NDE1: variants seen among roughly 807,000 people sequenced by gnomAD.
NDE1 encodes nuclear distribution protein nudE homolog 1.
NDE1 carries 28 observed loss-of-function variants against 43.4 expected under a neutral mutation model. The ratio of observed to expected loss-of-function variants is 0.65; its 90% CI spans 0.48 to 0.89. NDE1 has a LOEUF of 0.89. NDE1 is among the 40% of genes least tolerant of loss of function. The probability of loss-of-function intolerance (pLI) is 0.00; values close to 1 mark genes in which losing one functional copy is unlikely to be tolerated. For synonymous variants in NDE1, 184 were observed against 172.0 expected (o/e 1.07, Z -0.55); for missense variants, 441 against 434.1 (o/e 1.02, Z -0.14).
intron 8 of NDE1, among the ~76,000 whole-genome samples, chr16:15,702,959 GCT>G (rs1227413411): frequency 1.3e-5 from 2 of 152,018 alleles, no homozygotes; most frequent in East Asian, 3.9e-4. Context: ...TCTCTGCTCT[GCT>G]CTCTGGCTGG....
intron 8 of NDE1, among the ~76,000 whole-genome samples, chr16:15,699,360 A>G (rs565673413): frequency 2.0e-5 from 3 of 151,074 alleles, no homozygotes; most frequent in Non-Finnish European, 4.4e-5. Context: ...CCTGGGCTCC[A>G]GCGATCCTTC....
intron 1 of NDE1, 139 bp from the exon 2 acceptor site, chr16:15,664,597 C>T (rs944817470): frequency 1.0e-4 from 61 of 604,868 alleles, no homozygotes; most frequent in African/African-American, 5.0e-4. Context: ...CCTCGTGATC[C>T]GCCCGCCTCA....
chr16:15,691,646 G>GTTT (rs1341505713), intron 6 of NDE1, among the ~76,000 whole-genome samples: 1 of 73,892 alleles, frequency 1.4e-5, no homozygotes, highest in African/African-American at 8.3e-5. Context: ...TTTTTTGTTG[G>GTTT]GTTTTTTTTT....
chr16:15,719,214 T>G, intron 8 of NDE1: 1 of 1,613,414 alleles, frequency 6.2e-7, no homozygotes, highest in Non-Finnish European at 8.5e-7. Flanking sequence ...CCATTCAGTT[T>G]CCTACCTTCC....
chr16:15,664,987 C>T (rs1217306317), intron 2 of NDE1, 126 bp downstream of exon 2: 2 of 730,236 alleles, frequency 2.7e-6, no homozygotes, highest in Admixed American at 4.7e-5. Flanking sequence ...CCTTAAACTC[C>T]TGGGCTTAAG....
At chr16:15,650,752 C>T (rs1225333364) in intron 1 of NDE1, among the ~76,000 whole-genome samples, 2 of 152,040 alleles carry the variant, frequency 1.3e-5, no homozygotes, top group Admixed American at 6.6e-5. Flanking sequence ...TTTCTTTTCT[C>T]TCTCTCTCCT....
In NDE1 at chr16:15,725,698, T is replaced by G. The variant is rs2040720150; in HGVS notation, c.*1447T>G. ...AAAAACATCTCACTTAATTCTTCCC[T>G]CGCCCCTTGGTCCCTGGCTGTGGAC... On this transcript the variant is annotated 3_prime_UTR_variant, in exon 9 of 9. Transcript: ENST00000396354. The G allele has an allele frequency of 2.5e-6, 1 of 398,924 alleles. No individual in the cohort carries two copies. Among genetic ancestry groups the G allele is most frequent in the Non-Finnish European group, 4.4e-6 (1 of 226,296 alleles). The allele number at this position is 398,924 out of a possible 1,614,324, so 24.7% of individuals were successfully genotyped here.
chr16:15,670,171 C>CTAAT (rs2037518537), intron 3 of NDE1, among the ~76,000 whole-genome samples: 1 of 152,148 alleles, frequency 6.6e-6, no homozygotes, highest in Non-Finnish European at 1.5e-5. Context: ...TTCTTTTTCT[C>CTAAT]ATTAAACTCC....
In NDE1 at chr16:15,687,587, C is replaced by T; in HGVS notation, c.523+76C>T. 2.9e-6 allele frequency: 4 copies of T among 1,378,662 alleles called. No homozygotes were observed. In the Admixed American group the frequency reaches 6.7e-5, roughly 23 times the overall value. 85.4% of individuals were successfully genotyped at this position (1,378,662 alleles called of 1,614,324 possible). ...GCAACATCTTGTCCCACAAGCTCTC[C>T]CAGCATTATCTTTACAGGGACCCCA... On this transcript the variant is annotated intron_variant, in intron 5 of 8. Coordinates refer to ENST00000396354, the MANE Select transcript of NDE1 (RefSeq NM_017668.3).
Position 15,667,916 on chromosome 16 carries a change from G to A in NDE1, c.237+477G>A, listed in dbSNP as rs146270877. Among the ~76,000 whole-genome samples the A allele has an allele frequency of 4.8e-3, 729 of 151,932 alleles. 8 individuals are homozygous for A. The highest frequency in any genetic ancestry group is 0.016 in the African/African-American group (671 of 41,448). On this transcript the variant is annotated intron_variant, in intron 3 of 8. Coordinates refer to ENST00000396354, the MANE Select transcript of NDE1 (RefSeq NM_017668.3). ...AGAAGCAAGTCACACACATGTTCCC[G>A]TGGACTTTCTTGGTTGTGTACACTG...
At chr16:15,665,250 T>A in intron 2 of NDE1, among the ~76,000 whole-genome samples, 1 of 151,992 alleles carries the variant, frequency 6.6e-6, no homozygotes, top group East Asian at 1.9e-4. Context: ...AAGGCTTAAC[T>A]TACACTATCT....
At chr16:15,695,644 G>T (rs143180593) in intron 7 of NDE1, 1 of 985,274 alleles carries the variant, frequency 1.0e-6, no homozygotes, top group African/African-American at 1.7e-5. Context: ...TGCCTAGAAG[G>T]CCACATAATT....
Position 15,692,063 on chromosome 16 carries a change from T to G in NDE1, c.703+740T>G, listed in dbSNP as rs184124693. Among the ~76,000 whole-genome samples, 3 of 150,932 alleles carry G rather than the reference T, an allele frequency of 2.0e-5. No homozygotes were observed. In the East Asian group the frequency reaches 5.9e-4, roughly 30 times the overall value. ...TAGACTCAGCGTAACGTGTGCTGCA[T>G]GGGCAGAAAAAAAGAATCTCAGTTC... On this transcript the variant is annotated intron_variant, in intron 6 of 8. Coordinates refer to ENST00000396354, the MANE Select transcript of NDE1 (RefSeq NM_017668.3).
chr16:15,666,231 G>A (rs972912535), intron 2 of NDE1, among the ~76,000 whole-genome samples: 5 of 152,062 alleles, frequency 3.3e-5, no homozygotes, highest in Non-Finnish European at 5.9e-5. Flanking sequence ...GTGTGTGTGC[G>A]TTTGGTTTGG....
chr16:15,687,625 C>A, intron 5 of NDE1, 114 bp downstream of exon 5: 2 of 1,040,076 alleles, frequency 1.9e-6, no homozygotes, highest in Non-Finnish European at 1.5e-6. Context: ...CCCTGCTCTG[C>A]ACCCAGGTTG....
chr16:15,646,969 G>GAA (rs2036343351), upstream of NDE1, among the ~76,000 whole-genome samples: 2 of 150,654 alleles, frequency 1.3e-5, no homozygotes, highest in Non-Finnish European at 3.0e-5. Context: ...AGAATCGCTT[G>GAA]AACCCGGGAG....
At chr16:15,668,025 C>T (rs1156231151) in intron 3 of NDE1, among the ~76,000 whole-genome samples, 1 of 151,224 alleles carries the variant, frequency 6.6e-6, no homozygotes, top group African/African-American at 2.4e-5. Context: ...AGTACAGTGG[C>T]TGGATTACAG....
At chr16:15,709,472 GGCTGGCTAATTTTC>G (rs2039658427) in intron 8 of NDE1, among the ~76,000 whole-genome samples, 1 of 152,056 alleles carries the variant, frequency 6.6e-6, no homozygotes, top group Non-Finnish European at 1.5e-5. Context: ...GCACCACCGT[GGCTGGCTAATTTTC>G]ATATTTTTAG....
intron 8 of NDE1, chr16:15,701,322 A>C (rs1395948920): frequency 6.6e-6 from 1 of 151,784 alleles, no homozygotes; most frequent in Non-Finnish European, 1.5e-5. Flanking sequence ...GGTGCGTTCG[A>C]GTTTTCAGAG....
Sources: gnomAD v4.1 joint callset for allele counts (sites outside exome capture counted in the v4.1 genomes callset) on GRCh38, gnomAD v4.1.1 for gene constraint, MANE v1.5 for transcripts, NCBI Gene and HGNC (gene_info 2026-07-23, HGNC 2026-07-21) for gene names.